RIC3: variants seen among roughly 807,000 people sequenced by gnomAD.
The protein encoded by RIC3 is RIC3 acetylcholine receptor chaperone, also known as protein RIC-3.
A neutral mutation model predicts 27.3 loss-of-function variants in RIC3; 28 were observed. That is an observed-to-expected ratio of 1.02 (90% confidence interval 0.76 to 1.41). RIC3 has a LOEUF of 1.41. RIC3 is among the 40% of genes most tolerant of loss of function. RIC3 has a pLI of 0.00. For synonymous variants in RIC3, 184 were observed against 160.4 expected (o/e 1.15, Z -1.11); for missense variants, 501 against 444.7 (o/e 1.13, Z -1.14).
intron 1 of RIC3, among the ~76,000 whole-genome samples, chr11:8,145,856 T>C (rs1292071804): frequency 6.6e-6 from 1 of 151,826 alleles, no homozygotes; most frequent in Non-Finnish European, 1.5e-5. Flanking sequence ...ACTCTAAAAA[T>C]AGAAATAAAA....
intron 5 of RIC3, 95 bp from the exon 6 acceptor site, chr11:8,111,232 C>G: frequency 1.1e-6 from 1 of 881,888 alleles, no homozygotes; most frequent in South Asian, 1.8e-5. Flanking sequence ...AGGCAGCAGC[C>G]ATCCTATCCT....
In RIC3 at chr11:8,138,325, G is replaced by A. The variant is rs761145811; in HGVS notation, c.374C>T (p.Ala125Val). The change falls in exon 3 of 6, where the codon GCA becomes GTA. Residue 125 changes from alanine to valine, a missense_variant. Transcript: ENST00000309737. ...GGCAGTATAGCATTTCCCATCCTCTGCAGTTGTTTTCCCCTTTGAGAGCTG... is the reference window on the plus strand; with the variant it reads ...GGCAGTATAGCATTTCCCATCCTCTACAGTTGTTTTCCCCTTTGAGAGCTG... ...LFKLSKGKTT[A>V]EDGKCYTAMP... is the part of the protein sequence containing the mutation. 8.7e-6 allele frequency: 14 copies of A among 1,613,174 alleles called. No homozygotes were observed. In the African/African-American group the frequency reaches 1.2e-4, roughly 14 times the overall value.
chr11:8,120,717 A>G (rs1019683465), intron 5 of RIC3, among the ~76,000 whole-genome samples: 1 of 152,276 alleles, frequency 6.6e-6, no homozygotes. Context: ...ATTTAAAAAA[A>G]AAAGAAAGAA....
intron 1 of RIC3, among the ~76,000 whole-genome samples, chr11:8,145,125 A>T (rs1299983662): frequency 2.0e-5 from 3 of 148,820 alleles, no homozygotes; most frequent in African/African-American, 7.5e-5. Flanking sequence ...GCACATGTAT[A>T]CATATGTAAC....
chr11:8,096,605 A>C, the RIC3 span: 6 of 943,030 alleles, frequency 6.4e-6, no homozygotes, highest in African/African-American at 6.4e-5. Flanking sequence ...GTGTCTGAAC[A>C]TGAGTATGTG....
chr11:8,136,074 C>T (rs1565040289), intron 4 of RIC3, among the ~76,000 whole-genome samples: 3 of 152,194 alleles, frequency 2.0e-5, no homozygotes, highest in Non-Finnish European at 1.5e-5. Context: ...GCTTTCCAGG[C>T]AAAAAGAAGG....
At position 8,110,531 on chromosome 11, in the gene RIC3, CAG is replaced by C. The variant is rs199941696; in HGVS notation, c.*165_*166del. 3,672 of 711,854 alleles carry C rather than the reference CAG, an allele frequency of 5.2e-3. 94 individuals carry two copies. In the Admixed American group the frequency reaches 0.057, roughly 11 times the overall value. The allele number at this position is 711,854 out of a possible 1,614,324, so 44.1% of individuals were successfully genotyped here. A position where few individuals can be genotyped will look rare whatever the true frequency, so the allele number is the denominator to read the frequency against. On this transcript the variant is annotated 3_prime_UTR_variant, in exon 6 of 6. Transcript: ENST00000309737. ...CTAATGTCCGTGTTTTACAAGGTGA[CAG>C]GTGTGTGAGCACCAGGAAGGATACA... is the stretch of plus-strand genomic sequence containing the variant.
intron 1 of RIC3, among the ~76,000 whole-genome samples, chr11:8,160,311 G>T (rs1408269195): frequency 6.6e-6 from 1 of 152,204 alleles, no homozygotes; most frequent in Non-Finnish European, 1.5e-5. Flanking sequence ...GCTGAAGCAG[G>T]ATGATATGGA....
At position 8,140,098 on chromosome 11, in the gene RIC3, C is replaced by T. The variant is rs551935966; in HGVS notation, c.220G>A (p.Glu74Lys). 26 of 1,614,110 alleles carry T rather than the reference C, an allele frequency of 1.6e-5. No individual in the cohort carries two copies. Among genetic ancestry groups the T allele is most frequent in the South Asian group, 8.8e-5 (8 of 91,072 alleles). Residue 74 changes from glutamate to lysine, a missense_variant, in exon 2 of 6, where the codon GAG (glutamate) becomes AAG (lysine). Physicochemically the swap from Glu to Lys is moderately conservative, Grantham distance 56. Transcript: ENST00000309737. ...GARFQRSHLA[E>K]AFAKAKGSGG... The stretch of plus-strand genomic sequence containing the variant: ...GATCCTTTGGCCTTTGCAAATGCCT[C>T]GGCAAGGTGAGACCTCTGGAAACGA...
intron 4 of RIC3, among the ~76,000 whole-genome samples, chr11:8,131,785 C>T (rs1384130798): frequency 6.6e-6 from 1 of 151,174 alleles, no homozygotes; most frequent in Non-Finnish European, 1.5e-5. Context: ...CCTGTAGTCC[C>T]AGCTACTCAG....
At chr11:8,128,490 T>C (rs1947257360) in intron 4 of RIC3, 1 of 343,908 alleles carries the variant, frequency 2.9e-6, no homozygotes, top group Non-Finnish European at 5.7e-6. Flanking sequence ...GCATTAATCA[T>C]GGTCTACCTT....
Position 8,106,587 on chromosome 11 carries a change from G to A in RIC3, c.*4111C>T, listed in dbSNP as rs1466141009. 6.6e-6 allele frequency: 1 copy of A among 152,302 alleles called. No individual in the cohort carries two copies. Among genetic ancestry groups the A allele is most frequent in the African/African-American group, 2.4e-5 (1 of 41,458 alleles). 9.4% of individuals were successfully genotyped at this position (152,302 alleles called of 1,614,324 possible). A position where few individuals can be genotyped will look rare whatever the true frequency, so the allele number is the denominator to read the frequency against. On this transcript the variant is annotated 3_prime_UTR_variant, in exon 6 of 6. Coordinates refer to ENST00000309737, the MANE Select transcript of RIC3 (RefSeq NM_001206671.4). ...GGCCTGGCCTTAGGAAGAGAACAGG[G>A]CTGTAGAGATGAAAAAGGTATAAAA...
chr11:8,115,445 G>A (rs1337463996), intron 5 of RIC3, among the ~76,000 whole-genome samples: 1 of 152,076 alleles, frequency 6.6e-6, no homozygotes, highest in Non-Finnish European at 1.5e-5. Context: ...TATAAAAAAT[G>A]CTCAAGGGTG....
At chr11:8,111,296 G>T (rs763465494) in intron 5 of RIC3, among the ~76,000 whole-genome samples, 159 bp from the exon 6 acceptor site, 1 of 152,124 alleles carries the variant, frequency 6.6e-6, no homozygotes, top group Non-Finnish European at 1.5e-5. Flanking sequence ...AGTTTTACTT[G>T]AGCAAATTCT....
chr11:8,093,705 C>T, the RIC3 span, among the ~76,000 whole-genome samples: 1 of 152,218 alleles, frequency 6.6e-6, no homozygotes, highest in Non-Finnish European at 1.5e-5. Context: ...TGGCCATATC[C>T]TCTCAGACAT....
the RIC3 span, chr11:8,096,593 C>G: frequency 4.8e-6 from 4 of 841,302 alleles, no homozygotes; most frequent in African/African-American, 5.0e-5. Flanking sequence ...ACAGGTGAGT[C>G]AGTGTCTGAA....
chr11:8,167,504 C>T (rs1167890185), intron 1 of RIC3, among the ~76,000 whole-genome samples: 1 of 152,118 alleles, frequency 6.6e-6, no homozygotes, highest in African/African-American at 2.4e-5. Flanking sequence ...CATGAGAACA[C>T]TGAATACCAA....
chr11:8,145,425 T>C (rs1949579425), intron 1 of RIC3, among the ~76,000 whole-genome samples: 1 of 152,164 alleles, frequency 6.6e-6, no homozygotes, highest in South Asian at 2.1e-4. Flanking sequence ...GGGAAGATGG[T>C]CGCCCCAGCC....
intron 3 of RIC3, 150 bp downstream of exon 3, chr11:8,138,122 G>C: frequency 1.8e-6 from 1 of 553,314 alleles, no homozygotes; most frequent in Non-Finnish European, 3.2e-6. Flanking sequence ...AAACTTTTGA[G>C]AATTCCCAGA....
Sources: gnomAD v4.1 joint callset for allele counts (sites outside exome capture counted in the v4.1 genomes callset) on GRCh38, gnomAD v4.1.1 for gene constraint, MANE v1.5 for transcripts, NCBI Gene and HGNC (gene_info 2026-07-23, HGNC 2026-07-21) for gene names.